Variants in DLG2 observed in about 807,000 individuals in gnomAD.
DLG2 encodes discs large MAGUK scaffold protein 2, also known as disks large homolog 2.
A neutral mutation model predicts 132.5 loss-of-function variants in DLG2; 45 were observed. That is an observed-to-expected ratio of 0.34 (90% CI 0.27 to 0.44). DLG2 has a LOEUF of 0.44. Ranked by LOEUF, DLG2 falls within the 20% of genes least tolerant of loss-of-function variation. DLG2 has a pLI of 1.00. For missense variants in DLG2, 1,045 were observed against 1,196.9 expected, an observed-to-expected ratio of 0.87 and a Z score of 1.87; for synonymous variants, 424 against 419.6, an observed-to-expected ratio of 1.01 and a Z score of -0.13.
At chr11:85,431,278 A>G (rs2091164591) in intron 3 of DLG2, among the ~76,000 whole-genome samples, 1 of 152,144 alleles carries the variant, frequency 6.6e-6, no homozygotes, top group African/African-American at 2.4e-5. Context: ...AAGGAAGACC[A>G]GTGTGGTGCA....
intron 11 of DLG2, among the ~76,000 whole-genome samples, chr11:84,011,974 C>T (rs2170707): frequency 0.98 from 149,661 of 152,224 alleles, 73,576 homozygotes; most frequent in East Asian, 1. Context: ...ATCCTTCAAT[C>T]AATTGGATTT....
chr11:85,046,820 C>A lies in DLG2; in HGVS notation c.357+64841G>T, dbSNP rs114972707. Among the ~76,000 whole-genome samples, 133 of 151,872 alleles carry A rather than the reference C, an allele frequency of 8.8e-4. 1 individual carries two copies. Among genetic ancestry groups the A allele is most frequent in the African/African-American group, 3.1e-3 (129 of 41,448 alleles). On this transcript the variant is annotated intron_variant, in intron 6 of 27. Transcript: ENST00000376104. Reference sequence around the variant, plus strand: ...AAACCCCTTTGAATCCTAACTCTTTCTTCTGCTCCATCCTGTATATGTAAT... The same window carrying A: ...AAACCCCTTTGAATCCTAACTCTTTATTCTGCTCCATCCTGTATATGTAAT...
chr11:85,287,671 T>C (rs1177510277), intron 3 of DLG2, among the ~76,000 whole-genome samples: 1 of 152,084 alleles, frequency 6.6e-6, no homozygotes, highest in East Asian at 1.9e-4. Context: ...TTGGCACATA[T>C]GCATCAAAAA....
chr11:83,640,843 G>A lies in DLG2; in HGVS notation c.1826-7518C>T, dbSNP rs111578407. On this transcript the variant is annotated intron_variant, in intron 18 of 27. Transcript: ENST00000376104. ...ATGTTAAAATGGACAAATTGGGGCA[G>A]GTTAAATCTTTGTGAACTATCTGGT... Among the ~76,000 whole-genome samples, 6 of 152,220 alleles carry A rather than the reference G, an allele frequency of 3.9e-5. 1 individual carries two copies. The highest frequency in any genetic ancestry group is 1.4e-4 in the African/African-American group (6 of 41,558).
At position 84,849,407 on chromosome 11, in the gene DLG2, C is replaced by T. The variant is rs546884181; in HGVS notation, c.357+262254G>A. 2.0e-5 allele frequency among the ~76,000 whole-genome samples: 3 copies of T among 152,250 alleles called. 1 individual carries two copies. The highest frequency in any genetic ancestry group is 7.2e-5 in the African/African-American group (3 of 41,554). The stretch of plus-strand genomic sequence containing the variant: ...CCAAAATCTAAAATCCTTCCCATTA[C>T]ATTTAAGTTCCTCCATAATACTTGT... On this transcript the variant is annotated intron_variant, in intron 6 of 27. Transcript: ENST00000376104.
intron 11 of DLG2, among the ~76,000 whole-genome samples, chr11:84,042,344 G>A (rs1243337728): frequency 6.6e-6 from 1 of 151,382 alleles, no homozygotes; most frequent in Non-Finnish European, 1.5e-5. Context: ...CTTAATAAAT[G>A]GTAAGCCTGG....
intron 3 of DLG2, among the ~76,000 whole-genome samples, chr11:85,297,368 C>T (rs772811931): frequency 2.7e-4 from 41 of 152,192 alleles, no homozygotes; most frequent in African/African-American, 5.3e-4. Context: ...TCCCCAAGTA[C>T]GACATGAAGC....
chr11:83,698,110 T>C (rs1237028784), intron 18 of DLG2, among the ~76,000 whole-genome samples: 1 of 152,204 alleles, frequency 6.6e-6, no homozygotes, highest in Non-Finnish European at 1.5e-5. Flanking sequence ...AAGACTATGA[T>C]GAATAATGTC....
intron 18 of DLG2, among the ~76,000 whole-genome samples, chr11:83,675,591 C>T (rs1309222348): frequency 6.6e-6 from 1 of 152,150 alleles, no homozygotes; most frequent in Non-Finnish European, 1.5e-5. Flanking sequence ...AAATCTGTAT[C>T]CACATTGTAA....
intron 5 of DLG2, among the ~76,000 whole-genome samples, chr11:85,137,391 A>T (rs1298195957): frequency 1.3e-5 from 2 of 152,104 alleles, no homozygotes; most frequent in African/African-American, 4.8e-5. Context: ...AGGTTCTATG[A>T]CCTGCCGTGA....
chr11:85,397,790 G>C (rs188514414), intron 3 of DLG2, among the ~76,000 whole-genome samples: 2 of 152,094 alleles, frequency 1.3e-5, no homozygotes, highest in Non-Finnish European at 2.9e-5. Flanking sequence ...AGTCATCAGA[G>C]ACCTACAAAG....
intron 6 of DLG2, among the ~76,000 whole-genome samples, chr11:84,998,555 TAGAA>T (rs1160407745): frequency 1.3e-5 from 2 of 152,142 alleles, no homozygotes; most frequent in Non-Finnish European, 2.9e-5. Context: ...AATGTATCTT[TAGAA>T]AGAAATATGT....
At chr11:85,145,135 C>T (rs1234533292) in intron 5 of DLG2, among the ~76,000 whole-genome samples, 1 of 151,776 alleles carries the variant, frequency 6.6e-6, no homozygotes, top group Non-Finnish European at 1.5e-5. Flanking sequence ...TCCTTCAGCA[C>T]TTTAAATATG....
intron 14 of DLG2, among the ~76,000 whole-genome samples, chr11:83,943,919 C>T (rs117167671): frequency 6.6e-6 from 1 of 152,206 alleles, no homozygotes; most frequent in East Asian, 1.9e-4. Flanking sequence ...CTGGAAATGG[C>T]CTTTTAAGAT....
chr11:84,846,682 G>C (rs367633953), intron 6 of DLG2, among the ~76,000 whole-genome samples: 41 of 152,166 alleles, frequency 2.7e-4, no homozygotes, highest in East Asian at 1.9e-3. Flanking sequence ...ACCCTATGTA[G>C]TCCCTTCCCA....
At chr11:85,395,353 T>G (rs1369466710) in intron 3 of DLG2, among the ~76,000 whole-genome samples, 1 of 151,556 alleles carries the variant, frequency 6.6e-6, no homozygotes. Flanking sequence ...AGAAGAGGGG[T>G]GGTTTCTGCA....
chr11:85,085,898 A>G (rs1361481633), intron 6 of DLG2, among the ~76,000 whole-genome samples: 1 of 152,108 alleles, frequency 6.6e-6, no homozygotes, highest in Non-Finnish European at 1.5e-5. Flanking sequence ...TTTTAGCAGC[A>G]TTATTGTCAA....
intron 22 of DLG2, among the ~76,000 whole-genome samples, chr11:83,474,357 G>A (rs1360275766): frequency 6.6e-6 from 1 of 152,108 alleles, no homozygotes; most frequent in Non-Finnish European, 1.5e-5. Flanking sequence ...CGCATTCAAG[G>A]TTTTAGTTTA....
intron 18 of DLG2, among the ~76,000 whole-genome samples, chr11:83,784,026 T>C (rs968068881): frequency 1.1e-4 from 17 of 152,332 alleles, no homozygotes; most frequent in South Asian, 1.0e-3. Flanking sequence ...CATCTGATAA[T>C]ACTGACAGAT....
Sources: allele counts gnomAD v4.1 joint callset (sites outside exome capture counted in the v4.1 genomes callset), GRCh38; gene constraint gnomAD v4.1.1; transcripts MANE v1.5; gene names NCBI Gene and HGNC (gene_info 2026-07-23, HGNC 2026-07-21).